The following APIP variants were observed in gnomAD, a reference collection of about 807,000 sequenced individuals.
The protein encoded by APIP is methylthioribulose-1-phosphate dehydratase.
APIP carries 32 observed loss-of-function variants against 32.0 expected under a neutral mutation model. The observed-to-expected ratio is 1.00, with a 90% CI of 0.76 to 1.34. The LOEUF (loss-of-function observed/expected upper bound fraction) is 1.34, where lower values mean the gene tolerates loss of function less well. Ranked by LOEUF, APIP falls within the 40% of genes most tolerant of loss-of-function variation. The pLI is 0.00. For missense variants in APIP, 247 were observed against 298.6 expected (o/e 0.83, Z 1.27); for synonymous variants, 92 against 94.8 (o/e 0.97, Z 0.17).
At chr11:34,910,802 A>G (rs1001863543) in intron 1 of APIP, among the ~76,000 whole-genome samples, 2 of 152,154 alleles carry the variant, frequency 1.3e-5, no homozygotes. Flanking sequence ...CCAAGATAGC[A>G]AGAGGCAGAG....
At chr11:34,916,037 A>T in intron 1 of APIP, 191 bp downstream of exon 1, 2 of 698,386 alleles carry the variant, frequency 2.9e-6, no homozygotes, top group Non-Finnish European at 4.6e-6. Context: ...GAGACCACTG[A>T]TCTCCTGGGG....
At chr11:34,895,346 T>A (rs1853251771) in intron 1 of APIP, among the ~76,000 whole-genome samples, 1 of 152,162 alleles carries the variant, frequency 6.6e-6, no homozygotes, top group African/African-American at 2.4e-5. Flanking sequence ...AGTCCAACAC[T>A]AAGGAACAGG....
intron 1 of APIP, among the ~76,000 whole-genome samples, chr11:34,909,346 G>A (rs1012648913): frequency 6.6e-6 from 1 of 151,980 alleles, no homozygotes; most frequent in Non-Finnish European, 1.5e-5. Context: ...CTCTGGGGAG[G>A]AGTTTTTAAA....
intron 5 of APIP, 122 bp downstream of exon 5, chr11:34,888,171 G>A (rs1853110124): frequency 4.2e-6 from 4 of 945,334 alleles, no homozygotes; most frequent in Non-Finnish European, 5.9e-6. Context: ...ATATTAAATG[G>A]AGTATTATTT....
At chr11:34,907,181 T>C (rs1019460483) in intron 1 of APIP, among the ~76,000 whole-genome samples, 1 of 152,208 alleles carries the variant, frequency 6.6e-6, no homozygotes, top group African/African-American at 2.4e-5. Context: ...TTGGTATTTC[T>C]TATATCCGTC....
intron 1 of APIP, among the ~76,000 whole-genome samples, chr11:34,913,837 T>A (rs1391882904): frequency 6.6e-6 from 1 of 152,174 alleles, no homozygotes; most frequent in African/African-American, 2.4e-5. Flanking sequence ...GCATTTACAA[T>A]CCTTTAGCTA....
rs760730929 is a variant in APIP at position 34,913,599 on chromosome 11, G to C, written c.57+2629C>G. Among the ~76,000 whole-genome samples, 103 of 152,208 alleles carry C rather than the reference G, an allele frequency of 6.8e-4. 1 individual carries two copies. Among genetic ancestry groups the C allele is most frequent in the Non-Finnish European group, 7.6e-4 (52 of 68,044 alleles). Reference sequence around the variant, plus strand: ...CGCAGGGAGTGTTACAGCTCATAAAGGTAGTGCGGACCCATAGAGTGAGCA... The same window carrying C: ...CGCAGGGAGTGTTACAGCTCATAAACGTAGTGCGGACCCATAGAGTGAGCA... On this transcript the variant is annotated intron_variant, in intron 1 of 6. Transcript: ENST00000395787.
At chr11:34,914,364 T>TAA (rs1191018328) in intron 1 of APIP, among the ~76,000 whole-genome samples, 1 of 152,200 alleles carries the variant, frequency 6.6e-6, no homozygotes, top group African/African-American at 2.4e-5. Context: ...ATTAATCACT[T>TAA]ACAGTTGAAC....
intron 5 of APIP, among the ~76,000 whole-genome samples, chr11:34,884,051 C>T (rs935433037): frequency 7.2e-5 from 11 of 152,292 alleles, no homozygotes; most frequent in Admixed American, 2.0e-4. Flanking sequence ...GCTTTCAGAA[C>T]ATTCTCAAAT....
chr11:34,908,155 A>C (rs1473555457), intron 1 of APIP, among the ~76,000 whole-genome samples: 1 of 152,242 alleles, frequency 6.6e-6, no homozygotes, highest in Non-Finnish European at 1.5e-5. Context: ...AGGAATCCTG[A>C]CTTAGCAAAA....
At chr11:34,899,675 G>T (rs2133915581) in intron 1 of APIP, among the ~76,000 whole-genome samples, 1 of 152,306 alleles carries the variant, frequency 6.6e-6, no homozygotes, top group South Asian at 2.1e-4. Flanking sequence ...GGAAATATAA[G>T]CAGAGGACTA....
intron 2 of APIP, among the ~76,000 whole-genome samples, chr11:34,893,725 A>G (rs1233546033): frequency 6.6e-6 from 1 of 152,188 alleles, no homozygotes; most frequent in Non-Finnish European, 1.5e-5. Flanking sequence ...TCATTTCCCA[A>G]TGTTCAATGA....
chr11:34,888,883 GGAAAAAAA>G lies in APIP; in HGVS notation c.208-22_208-15del, dbSNP rs771759542. ...CATGTCTTCAGGCTATTTATAGAGG[GGAAAAAAA>G]GAAAAAAAGAAGGCTTGTAAAATAT... is the stretch of plus-strand genomic sequence containing the variant. On this transcript the variant is annotated splice_polypyrimidine_tract_variant and intron_variant, in intron 3 of 6. Transcript: ENST00000395787. The G allele has an allele frequency of 2.2e-6, 3 of 1,358,036 alleles. No homozygotes were observed. 84.1% of individuals were successfully genotyped at this position (1,358,036 alleles called of 1,614,324 possible).
intron 1 of APIP, among the ~76,000 whole-genome samples, chr11:34,898,641 A>G (rs1009845365): frequency 6.6e-6 from 1 of 151,980 alleles, no homozygotes; most frequent in Non-Finnish European, 1.5e-5. Flanking sequence ...GCAATCTTCT[A>G]GGAACAGAGG....
At chr11:34,889,351 G>A (rs1383992886) in intron 3 of APIP, among the ~76,000 whole-genome samples, 1 of 151,938 alleles carries the variant, frequency 6.6e-6, no homozygotes, top group Non-Finnish European at 1.5e-5. Flanking sequence ...CATTTTGTTA[G>A]ATAAAAGCAA....
intron 1 of APIP, among the ~76,000 whole-genome samples, chr11:34,899,614 T>A (rs564743122): frequency 1.2e-4 from 18 of 152,294 alleles, no homozygotes; most frequent in African/African-American, 4.3e-4. Context: ...TTTCTTGAGA[T>A]CTGTTTTTTT....
At chr11:34,912,660 G>A (rs1853574097) in intron 1 of APIP, among the ~76,000 whole-genome samples, 1 of 152,126 alleles carries the variant, frequency 6.6e-6, no homozygotes, top group South Asian at 2.1e-4. Context: ...ATGTGAAAAG[G>A]GAGACTGGCC....
rs766242750 is a variant in APIP, at chr11:34,916,326, G to C, written c.-42C>G. 8.1e-6 allele frequency: 13 copies of C among 1,606,058 alleles called. No individual in the cohort carries two copies. Among genetic ancestry groups the C allele is most frequent in the Non-Finnish European group, 1.0e-5 (12 of 1,176,546 alleles). On this transcript the variant is annotated 5_prime_UTR_variant, in exon 1 of 7. Coordinates refer to ENST00000395787, the MANE Select transcript of APIP (RefSeq NM_015957.4). ...CCGCGCGGCCTCCAATCTCCGCACG[G>C]CTTTGCGCGCGGCGCTTAGCCTGGG...
chr11:34,914,708 T>C (rs964890546), intron 1 of APIP, among the ~76,000 whole-genome samples: 19 of 152,094 alleles, frequency 1.2e-4, no homozygotes, highest in Admixed American at 4.6e-4. Flanking sequence ...TTCTGGATTT[T>C]GAAATGTTGG....
Sources: gnomAD v4.1 joint callset for allele counts (sites outside exome capture counted in the v4.1 genomes callset) on GRCh38, gnomAD v4.1.1 for gene constraint, MANE v1.5 for transcripts, NCBI Gene and HGNC (gene_info 2026-07-23, HGNC 2026-07-21) for gene names.